TMEM150B: variants seen among roughly 807,000 people sequenced by gnomAD.
The protein encoded by TMEM150B is transmembrane protein 150B, also known as modulator of macroautophagy TMEM150B.
In TMEM150B, 33 loss-of-function variants were observed where a neutral mutation model predicts 25.2. That is an observed-to-expected ratio of 1.31 (90% confidence interval 0.99 to 1.75). The LOEUF is 1.75. Among genes scored for constraint, TMEM150B ranks in the 40% most tolerant of loss-of-function variants. The probability of loss-of-function intolerance (pLI) is 0.00; values close to 1 mark genes in which losing one functional copy is unlikely to be tolerated. For missense variants in TMEM150B, 322 were observed against 306.1 expected (o/e 1.05, Z -0.39); for synonymous variants, 133 against 134.8 (o/e 0.99, Z 0.09).
downstream of TMEM150B, chr19:55,312,190 T>G: frequency 2.0e-5 from 10 of 510,006 alleles, no homozygotes; most frequent in Admixed American, 3.8e-5. Flanking sequence ...AAACCGGCCT[T>G]GCCCTGCAGG....
chr19:55,320,644 C>T (rs765815302), intron 3 of TMEM150B, 27 bp from the exon 4 acceptor site: 13 of 1,600,012 alleles, frequency 8.1e-6, no homozygotes, highest in East Asian at 2.2e-5. Flanking sequence ...AGTGAGTGGG[C>T]GACTCTCACC....
chr19:55,324,098 G>A (rs1480962907), intron 1 of TMEM150B, among the ~76,000 whole-genome samples: 3 of 151,954 alleles, frequency 2.0e-5, no homozygotes, highest in Non-Finnish European at 2.9e-5. Context: ...GGAAGCCATC[G>A]CGCCCAACCC....
intron 1 of TMEM150B, among the ~76,000 whole-genome samples, chr19:55,323,499 G>C (rs1032073905): frequency 6.6e-6 from 1 of 151,422 alleles, no homozygotes; most frequent in Non-Finnish European, 1.5e-5. Flanking sequence ...TGCAACCATC[G>C]CCTCTTTCTT....
At chr19:55,320,492 C>G (rs202095879) in intron 4 of TMEM150B, 34 bp from the exon 5 acceptor site, 524 of 1,608,078 alleles carry the variant, frequency 3.3e-4, no homozygotes, top group Admixed American at 7.9e-4. Flanking sequence ...CTGGGCAATC[C>G]AAGCTAGGGC....
downstream of TMEM150B, among the ~76,000 whole-genome samples, chr19:55,311,288 G>A (rs1390256827): frequency 6.6e-6 from 1 of 152,060 alleles, no homozygotes; most frequent in Non-Finnish European, 1.5e-5. Flanking sequence ...AAAGAAAAAC[G>A]AGGTCTCCGC....
At chr19:55,320,862 A>C in intron 3 of TMEM150B, 107 bp downstream of exon 3, 1 of 1,370,498 alleles carries the variant, frequency 7.3e-7, no homozygotes. Flanking sequence ...CCTCCCTCAG[A>C]TCCAGGGATC....
downstream of TMEM150B, among the ~76,000 whole-genome samples, chr19:55,311,619 C>T (rs1332541690): frequency 6.6e-6 from 1 of 152,166 alleles, no homozygotes; most frequent in Non-Finnish European, 1.5e-5. Context: ...CTGAGAGTCT[C>T]CTAAAGTCAG....
chr19:55,323,916 C>T (rs1273821146), intron 1 of TMEM150B, among the ~76,000 whole-genome samples: 1 of 148,932 alleles, frequency 6.7e-6, no homozygotes, highest in African/African-American at 2.5e-5. Flanking sequence ...AAGTGATTCT[C>T]ATGCCTCAGC....
intron 7 of TMEM150B, among the ~76,000 whole-genome samples, chr19:55,315,887 G>A (rs763030503): frequency 1.6e-4 from 24 of 152,256 alleles, no homozygotes; most frequent in African/African-American, 4.8e-4. Flanking sequence ...CTGAGATCAC[G>A]CCACTGCACT....
chr19:55,319,088 C>T (rs2089104109), intron 6 of TMEM150B, among the ~76,000 whole-genome samples: 1 of 151,956 alleles, frequency 6.6e-6, no homozygotes, highest in Non-Finnish European at 1.5e-5. Flanking sequence ...AACCACTGTG[C>T]CCAGCCTCAC....
At chr19:55,309,560 G>A (rs2088734581), downstream of TMEM150B, among the ~76,000 whole-genome samples, 2 of 152,212 alleles carry the variant, frequency 1.3e-5, no homozygotes, top group Non-Finnish European at 2.9e-5. Context: ...ACAGCACGTT[G>A]GTGCTGTGTC....
At chr19:55,317,240 C>G (rs147628824) in intron 6 of TMEM150B, among the ~76,000 whole-genome samples, 1 of 152,156 alleles carries the variant, frequency 6.6e-6, no homozygotes, top group South Asian at 2.1e-4. Flanking sequence ...ATTCTCAAGG[C>G]GGGGGACAGA....
At chr19:55,320,256 A>C in intron 5 of TMEM150B, 90 bp from the exon 6 acceptor site, 1 of 1,531,602 alleles carries the variant, frequency 6.5e-7, no homozygotes, top group Non-Finnish European at 8.8e-7. Flanking sequence ...AAGGTGAGGG[A>C]GAAAGTGGCA....
downstream of TMEM150B, among the ~76,000 whole-genome samples, chr19:55,311,587 C>T (rs919224514): frequency 3.9e-5 from 6 of 152,174 alleles, no homozygotes; most frequent in Admixed American, 1.3e-4. Flanking sequence ...TGTTTCCTAG[C>T]GAACAGTATC....
At chr19:55,310,910 G>A (rs985289916), downstream of TMEM150B, among the ~76,000 whole-genome samples, 13 of 152,076 alleles carry the variant, frequency 8.5e-5, no homozygotes, top group African/African-American at 3.1e-4. The surrounding 1 kb of genome is among the most constrained non-coding windows in gnomAD (Gnocchi z 5.0). Context: ...AGAATGGGGT[G>A]GGGGGTGCAG....
chr19:55,324,519 G>A (rs1256099437), intron 1 of TMEM150B, among the ~76,000 whole-genome samples: 1 of 151,966 alleles, frequency 6.6e-6, no homozygotes, highest in African/African-American at 2.4e-5. Flanking sequence ...GTGGTGGCAG[G>A]CACCTGTAAT....
At chr19:55,319,925 A>T in intron 6 of TMEM150B, 114 bp downstream of exon 6, 1 of 1,530,274 alleles carries the variant, frequency 6.5e-7, no homozygotes, top group Non-Finnish European at 8.8e-7. Context: ...AAGTCCCAGG[A>T]GGGCCGGGCG....
At position 55,315,428 on chromosome 19, in the gene TMEM150B, G is replaced by A. The variant is rs528880617; in HGVS notation, c.505+1358C>T. 9.9e-5 allele frequency among the ~76,000 whole-genome samples: 15 copies of A among 151,802 alleles called. No individual in the cohort carries two copies. The East Asian group carries it at 2.5e-3, about 26-fold the overall frequency. Reference sequence around the variant, plus strand: ...AGGTGGATCATGAGGTCAGGAGTTCGAGACCAGCCTGGCCAATATGATGAA... The same window carrying A: ...AGGTGGATCATGAGGTCAGGAGTTCAAGACCAGCCTGGCCAATATGATGAA... On this transcript the variant is annotated intron_variant, in intron 7 of 7. Transcript: ENST00000326652.
downstream of TMEM150B, among the ~76,000 whole-genome samples, chr19:55,310,934 C>T (rs941174785): frequency 2.0e-5 from 3 of 152,030 alleles, no homozygotes; most frequent in Non-Finnish European, 2.9e-5. The surrounding 1 kb of genome is among the most constrained non-coding windows in gnomAD (Gnocchi z 5.0). Context: ...TCCGAGTCAC[C>T]GTGGTTGCTA....
Sources: gnomAD v4.1 joint callset for allele counts (sites outside exome capture counted in the v4.1 genomes callset) on GRCh38, gnomAD v4.1.1 for gene constraint, Gnocchi (gnomAD v3.1) non-coding constraint, MANE v1.5 for transcripts, NCBI Gene and HGNC (gene_info 2026-07-23, HGNC 2026-07-21) for gene names.